Variants in CSMD3 observed in about 807,000 individuals in gnomAD.
The protein encoded by CSMD3 is CUB and sushi domain-containing protein 3.
In CSMD3, 177 loss-of-function variants were observed where a neutral mutation model predicts 435.2. The ratio of observed to expected loss-of-function variants is 0.41; its 90% CI spans 0.36 to 0.46. The LOEUF (loss-of-function observed/expected upper bound fraction) is 0.46, where lower values mean the gene tolerates loss of function less well. Among genes scored for constraint, CSMD3 ranks in the 20% least tolerant of loss-of-function variants. The pLI is 0.34. For missense variants in CSMD3, 4,265 were observed against 4,504.6 expected, an observed-to-expected ratio of 0.95 and a Z score of 1.52; for synonymous variants, 1,656 against 1,520.5, an observed-to-expected ratio of 1.09 and a Z score of -2.07.
At chr8:113,421,411 A>G (rs973280100) in intron 1 of CSMD3, among the ~76,000 whole-genome samples, 2 of 152,228 alleles carry the variant, frequency 1.3e-5, no homozygotes, top group Non-Finnish European at 2.9e-5. Context: ...AGAAAAATTA[A>G]CTATAATAAA....
At chr8:113,276,975 A>G (rs904202834) in intron 3 of CSMD3, among the ~76,000 whole-genome samples, 2 of 152,030 alleles carry the variant, frequency 1.3e-5, no homozygotes, top group Non-Finnish European at 2.9e-5. Flanking sequence ...ATTTTTTAGT[A>G]TGAGTTCATG....
chr8:113,165,352 T>C (rs2092129365), intron 4 of CSMD3, among the ~76,000 whole-genome samples: 1 of 152,178 alleles, frequency 6.6e-6, no homozygotes. Flanking sequence ...CTATTTGTTA[T>C]AGCTTCTTCA....
intron 16 of CSMD3, among the ~76,000 whole-genome samples, chr8:112,669,435 T>C (rs763137820): frequency 3.3e-5 from 5 of 152,196 alleles, no homozygotes; most frequent in Non-Finnish European, 5.9e-5. Context: ...CTTAACAATG[T>C]TGCCATATCC....
At chr8:112,885,020 C>T (rs1386955742) in intron 10 of CSMD3, among the ~76,000 whole-genome samples, 2 of 151,568 alleles carry the variant, frequency 1.3e-5, no homozygotes, top group Non-Finnish European at 2.9e-5. Flanking sequence ...GGGTCCCTCC[C>T]CTGTGTTCTC....
intron 22 of CSMD3, among the ~76,000 whole-genome samples, chr8:112,619,487 T>G (rs1253125916): frequency 6.6e-6 from 1 of 152,110 alleles, no homozygotes; most frequent in Non-Finnish European, 1.5e-5. Context: ...TAAGATTCAA[T>G]GTTTCCTTCT....
intron 3 of CSMD3, among the ~76,000 whole-genome samples, chr8:113,276,373 C>T (rs1468529241): frequency 6.6e-6 from 1 of 151,966 alleles, no homozygotes; most frequent in Non-Finnish European, 1.5e-5. Flanking sequence ...CAGACAGATA[C>T]ATCAGAGGGG....
chr8:112,662,301 C>A (rs572341674), intron 17 of CSMD3, among the ~76,000 whole-genome samples: 1 of 152,178 alleles, frequency 6.6e-6, no homozygotes, highest in Non-Finnish European at 1.5e-5. Context: ...ACCAAAACAG[C>A]ATGGTACTGG....
chr8:112,498,157 T>A (rs1233872130), intron 30 of CSMD3, among the ~76,000 whole-genome samples: 1 of 152,118 alleles, frequency 6.6e-6, no homozygotes. Flanking sequence ...ACAATTCGAT[T>A]TTCAATTTTT....
At chr8:113,377,158 C>T (rs2094390816) in intron 1 of CSMD3, 1 of 1,246,854 alleles carries the variant, frequency 8.0e-7, no homozygotes. Flanking sequence ...GGTGTACGCC[C>T]CGGAAACCCT....
chr8:112,859,509 A>G (rs2080763624), intron 10 of CSMD3, among the ~76,000 whole-genome samples: 1 of 151,830 alleles, frequency 6.6e-6, no homozygotes, highest in Admixed American at 6.6e-5. Flanking sequence ...TGAGGGCATG[A>G]TAAATGCTTC....
chr8:113,180,311 A>G (rs2092405790), intron 3 of CSMD3, among the ~76,000 whole-genome samples: 2 of 152,000 alleles, frequency 1.3e-5, no homozygotes, highest in Non-Finnish European at 1.5e-5. Flanking sequence ...GTTCTTTATT[A>G]CAAATATTGA....
At chr8:112,282,402 A>G (rs566327147) in intron 58 of CSMD3, among the ~76,000 whole-genome samples, 1 of 152,224 alleles carries the variant, frequency 6.6e-6, no homozygotes, top group South Asian at 2.1e-4. Flanking sequence ...ACTTTCTTCT[A>G]AATGCATTAG....
chr8:113,234,974 G>A (rs2093130981), intron 3 of CSMD3, among the ~76,000 whole-genome samples: 1 of 152,044 alleles, frequency 6.6e-6, no homozygotes, highest in Non-Finnish European at 1.5e-5. Flanking sequence ...CTGCTCTATG[G>A]AGCGTCTAGG....
At chr8:113,256,053 A>C (rs1435713159) in intron 3 of CSMD3, among the ~76,000 whole-genome samples, 1 of 152,098 alleles carries the variant, frequency 6.6e-6, no homozygotes, top group Non-Finnish European at 1.5e-5. Flanking sequence ...ACTCAAATGA[A>C]GAGAAATGTG....
chr8:113,357,901 C>G (rs1230454577), intron 1 of CSMD3, among the ~76,000 whole-genome samples: 1 of 152,130 alleles, frequency 6.6e-6, no homozygotes, highest in Non-Finnish European at 1.5e-5. Context: ...TGAGGCCTCC[C>G]CAGCCTTGCT....
intron 3 of CSMD3, among the ~76,000 whole-genome samples, chr8:113,247,788 TTC>T (rs1172283752): frequency 2.0e-5 from 3 of 152,142 alleles, no homozygotes; most frequent in African/African-American, 4.8e-5. Context: ...TGAATATACC[TTC>T]TGTTATTAAT....
intron 13 of CSMD3, among the ~76,000 whole-genome samples, chr8:112,707,483 CGGGAGG>C (rs1563877501): frequency 1.1e-5 from 1 of 89,100 alleles, no homozygotes; most frequent in East Asian, 3.5e-4. Context: ...GGTGGTGCGG[CGGGAGG>C]GGGGTGGTTC....
chr8:112,900,049 AT>A (rs199630351), intron 10 of CSMD3, among the ~76,000 whole-genome samples: 1 of 150,962 alleles, frequency 6.6e-6, no homozygotes, highest in Non-Finnish European at 1.5e-5. Flanking sequence ...AAGTGGACAC[AT>A]TTTTTCCAAT....
At chr8:113,256,194 G>T (rs2132328139) in intron 3 of CSMD3, among the ~76,000 whole-genome samples, 1 of 152,216 alleles carries the variant, frequency 6.6e-6, no homozygotes, top group East Asian at 1.9e-4. Flanking sequence ...CTCTGGTTGT[G>T]TTGATAAATA....
Sources: allele counts gnomAD v4.1 joint callset (sites outside exome capture counted in the v4.1 genomes callset), GRCh38; gene constraint gnomAD v4.1.1; transcripts MANE v1.5; gene names NCBI Gene and HGNC (gene_info 2026-07-23, HGNC 2026-07-21).